Variants in LMF1 observed in about 807,000 individuals in gnomAD.
LMF1 encodes the protein transmembrane protein 112.
LMF1 carries 68 observed loss-of-function variants against 60.6 expected under a neutral mutation model. The observed-to-expected ratio is 1.12, with a 90% CI of 0.92 to 1.37. The LOEUF (loss-of-function observed/expected upper bound fraction) is 1.37. Ranked by LOEUF, LMF1 falls within the 40% of genes most tolerant of loss-of-function variation. LMF1 has a pLI of 0.00. For synonymous variants in LMF1, 418 were observed against 324.7 expected (o/e 1.29, Z -3.09); for missense variants, 948 against 767.2 (o/e 1.24, Z -2.78).
At chr16:943,249 T>C (rs1293285026) in intron 2 of LMF1, among the ~76,000 whole-genome samples, 1 of 151,622 alleles carries the variant, frequency 6.6e-6, no homozygotes, top group Non-Finnish European at 1.5e-5. Context: ...TGGGCGCCTG[T>C]AGTCCCAGCT....
intron 4 of LMF1, among the ~76,000 whole-genome samples, chr16:895,359 C>T (rs2070633754): frequency 6.6e-6 from 1 of 152,210 alleles, no homozygotes; most frequent in Non-Finnish European, 1.5e-5. Flanking sequence ...ATTAATACCT[C>T]CCAGTAGCAC....
rs116000326 is a variant in LMF1 at position 977,597 on chromosome 16, C to A, written c.-135+3548G>T. On this transcript the variant is annotated intron_variant, in intron 1 of 6. Coordinates refer to the LMF1 transcript ENST00000570014. ...CACACACCGGCTGCCAGCGGGTTCA[C>A]GCCCGCCGGGCCCTCCCTGTGCTTC... 6.4e-3 allele frequency among the ~76,000 whole-genome samples: 975 copies of A among 152,256 alleles called. 15 individuals carry two copies. Among genetic ancestry groups the A allele is most frequent in the African/African-American group, 0.022 (910 of 41,528 alleles).
chr16:967,942 C>CCGAG (rs1428620740), intron 1 of LMF1, among the ~76,000 whole-genome samples: 1 of 152,196 alleles, frequency 6.6e-6, no homozygotes, highest in Non-Finnish European at 1.5e-5. Flanking sequence ...CACTAGGGAC[C>CCGAG]CGAGTCCACA....
At chr16:924,407 C>T (rs2071533661) in intron 3 of LMF1, among the ~76,000 whole-genome samples, 1 of 152,076 alleles carries the variant, frequency 6.6e-6, no homozygotes. Flanking sequence ...CATGCACATG[C>T]CCATTTTTTT....
intron 3 of LMF1, among the ~76,000 whole-genome samples, chr16:923,665 A>G (rs1490247092): frequency 6.6e-6 from 1 of 152,160 alleles, no homozygotes; most frequent in Non-Finnish European, 1.5e-5. Flanking sequence ...CCTCAATACA[A>G]TGAGGTCACC....
Position 941,547 on chromosome 16 carries a change from T to C in LMF1, c.504-7293A>G, listed in dbSNP as rs190144152. Among the ~76,000 whole-genome samples, 367 of 152,344 alleles carry C rather than the reference T, an allele frequency of 2.4e-3. 1 individual carries two copies. The highest frequency in any genetic ancestry group is 8.5e-3 in the African/African-American group (353 of 41,576). On this transcript the variant is annotated intron_variant, in intron 2 of 10. Transcript: ENST00000262301. ...CTGATTCTAAATCTCTGTCTTTTAATTGGAAGATTTAGTCACTTACATTTA... is the reference window on the plus strand; with the variant it reads ...CTGATTCTAAATCTCTGTCTTTTAACTGGAAGATTTAGTCACTTACATTTA...
At chr16:912,241 C>T (rs541664095) in intron 3 of LMF1, among the ~76,000 whole-genome samples, 1 of 152,196 alleles carries the variant, frequency 6.6e-6, no homozygotes, top group East Asian at 1.9e-4. Flanking sequence ...GGGGCAGCAT[C>T]TACACACCAC....
intron 4 of LMF1, among the ~76,000 whole-genome samples, chr16:894,555 G>A (rs899056802): frequency 6.6e-6 from 1 of 152,178 alleles, no homozygotes. Flanking sequence ...TGCAGGCGCA[G>A]GTGCGACAAG....
intron 2 of LMF1, among the ~76,000 whole-genome samples, chr16:934,694 T>C (rs750522437): frequency 6.6e-6 from 1 of 152,212 alleles, no homozygotes; most frequent in Non-Finnish European, 1.5e-5. Flanking sequence ...GGCCTGTGTC[T>C]TTACTATTGA....
At chr16:907,599 C>A (rs2071002637) in intron 4 of LMF1, among the ~76,000 whole-genome samples, 1 of 151,974 alleles carries the variant, frequency 6.6e-6, no homozygotes, top group Non-Finnish European at 1.5e-5. Flanking sequence ...ACCCTCCAGG[C>A]CACAGAACCA....
Position 853,767 on chromosome 16 carries a change from G to A in LMF1, c.*765C>T, listed in dbSNP as rs1567124364. The A allele has an allele frequency of 2.2e-6, 1 of 454,154 alleles. No homozygotes were observed. The highest frequency in any genetic ancestry group is 4.4e-6 in the Non-Finnish European group (1 of 226,808). 28.1% of individuals were successfully genotyped at this position (454,154 alleles called of 1,614,324 possible). A position where few individuals can be genotyped will look rare whatever the true frequency, so the allele number is the denominator to read the frequency against. On this transcript the variant is annotated 3_prime_UTR_variant, in exon 11 of 11. Coordinates refer to ENST00000262301, the MANE Select transcript of LMF1 (RefSeq NM_022773.4). ...ACGATGATGAAAGTGTGCACGGCCG[G>A]CTGTCCTCCGATTGAGGGGCCTTGT...
intron 3 of LMF1, among the ~76,000 whole-genome samples, chr16:925,659 T>C (rs148815447): frequency 1.3e-5 from 2 of 152,288 alleles, no homozygotes; most frequent in African/African-American, 4.8e-5. Flanking sequence ...CACTTGAGTC[T>C]GCGGAGGTCG....
chr16:882,590 AG>A (rs1028663440), intron 5 of LMF1, among the ~76,000 whole-genome samples: 5 of 152,258 alleles, frequency 3.3e-5, no homozygotes, highest in Non-Finnish European at 4.4e-5. Context: ...AGAGCCACCC[AG>A]GGGAGCCCAT....
At chr16:877,507 ATCC>A (rs2070026443) in intron 6 of LMF1, among the ~76,000 whole-genome samples, 4 of 152,222 alleles carry the variant, frequency 2.6e-5, no homozygotes, top group African/African-American at 7.2e-5. Context: ...TTGCTTCAGC[ATCC>A]ACAGCATTAA....
At chr16:869,783 C>A (rs1449551844) in intron 9 of LMF1, 100 bp downstream of exon 9, 3 of 1,244,824 alleles carry the variant, frequency 2.4e-6, no homozygotes, top group Non-Finnish European at 3.4e-6. Context: ...CCTCCCTCCC[C>A]ACCAGCCCCT....
At chr16:898,532 C>T (rs1398648456) in intron 4 of LMF1, among the ~76,000 whole-genome samples, 5 of 152,232 alleles carry the variant, frequency 3.3e-5, no homozygotes, top group Non-Finnish European at 5.9e-5. Context: ...TGGAGCAGCC[C>T]AGGTGGGGGC....
Position 931,671 on chromosome 16 carries a change from A to G in LMF1, c.514+2573T>C, listed in dbSNP as rs928303692. 1.5e-5 allele frequency: 19 copies of G among 1,287,062 alleles called. No individual in the cohort carries two copies. The African/African-American group carries it at 2.7e-4, about 19-fold the overall frequency. 79.7% of individuals were successfully genotyped at this position (1,287,062 alleles called of 1,614,324 possible). A position where few individuals can be genotyped will look rare whatever the true frequency, so the allele number is the denominator to read the frequency against. ...GTAACTGGCAGCTCTATGTTCTCCA[A>G]GATCAGGGAAGGGAAGACAGTTCAA... On this transcript the variant is annotated intron_variant, in intron 3 of 10. Coordinates refer to ENST00000262301, the MANE Select transcript of LMF1 (RefSeq NM_022773.4).
At chr16:906,114 G>A (rs535261484) in intron 4 of LMF1, among the ~76,000 whole-genome samples, 2 of 152,154 alleles carry the variant, frequency 1.3e-5, no homozygotes, top group Non-Finnish European at 2.9e-5. Flanking sequence ...AGCACCAACT[G>A]GTGCAAAGGC....
At chr16:950,272 C>CGACAGAGTCAGAGACAAT (rs2072409954) in intron 2 of LMF1, among the ~76,000 whole-genome samples, 1 of 103,320 alleles carries the variant, frequency 9.7e-6, no homozygotes, top group Non-Finnish European at 1.8e-5. Flanking sequence ...AGTCAGCCAA[C>CGACAGAGTCAGAGACAAT]GACAGAGTCA....
Sources: allele counts gnomAD v4.1 joint callset (sites outside exome capture counted in the v4.1 genomes callset), GRCh38; gene constraint gnomAD v4.1.1; transcripts MANE v1.5; gene names NCBI Gene and HGNC (gene_info 2026-07-23, HGNC 2026-07-21).